FKBP5: variants seen among roughly 807,000 people sequenced by gnomAD.
The protein encoded by FKBP5 is peptidyl-prolyl cis-trans isomerase FKBP5.
Under a neutral mutation model 50.5 loss-of-function variants are expected in FKBP5, and 23 were observed. The observed-to-expected ratio is 0.46, with a 90% CI of 0.33 to 0.65. The LOEUF (loss-of-function observed/expected upper bound fraction) is 0.65, where lower values mean the gene tolerates loss of function less well. FKBP5 is among the 30% of genes least tolerant of loss of function. The pLI, the probability that FKBP5 is intolerant of heterozygous loss-of-function variation, is 0.02. For synonymous variants in FKBP5, 176 were observed against 190.6 expected (o/e 0.92, Z 0.63); for missense variants, 411 against 553.1 (o/e 0.74, Z 2.58).
Position 35,575,765 on chromosome 6 carries a change from T to A in FKBP5, c.*70A>T. On this transcript the variant is annotated 3_prime_UTR_variant, in exon 11 of 11. Coordinates refer to ENST00000357266, the MANE Select transcript of FKBP5 (RefSeq NM_004117.4). ...AAACTTTACATTAAACACTGTTCTGTCCTGAGTTGGGGGAAAGCCCATTGA... is the reference window on the plus strand; with the variant it reads ...AAACTTTACATTAAACACTGTTCTGACCTGAGTTGGGGGAAAGCCCATTGA... The A allele has an allele frequency of 4.0e-6, 4 of 1,008,040 alleles. No homozygotes were observed. The Admixed American group carries it at 5.1e-5, about 13-fold the overall frequency. The allele number at this position is 1,008,040 out of a possible 1,614,324, so 62.4% of individuals were successfully genotyped here.
chr6:35,683,632 A>ATTTTTT (rs777451189), intron 1 of FKBP5, among the ~76,000 whole-genome samples: 1 of 109,362 alleles, frequency 9.1e-6, no homozygotes, highest in Non-Finnish European at 1.9e-5. Flanking sequence ...TGACTGGCTA[A>ATTTTTT]TTTTTTTTTT....
At chr6:35,696,416 G>A (rs1333080303) in intron 2 of FKBP5, among the ~76,000 whole-genome samples, 1 of 151,716 alleles carries the variant, frequency 6.6e-6, no homozygotes, top group East Asian at 1.9e-4. Context: ...GGAGGCTGAG[G>A]TGGGAGGATT....
chr6:35,583,019 C>T (rs765184115), intron 8 of FKBP5: 12 of 926,970 alleles, frequency 1.3e-5, no homozygotes, highest in Non-Finnish European at 1.4e-5. Context: ...TCCAGGAGTT[C>T]GAAGCTGCAG....
At chr6:35,586,145 T>A (rs1762590511) in intron 8 of FKBP5, 1 of 984,932 alleles carries the variant, frequency 1.0e-6, no homozygotes, top group South Asian at 4.7e-5. Flanking sequence ...CTGCTTGACA[T>A]GGAGAAGGCA....
chr6:35,576,947 A>G, intron 10 of FKBP5, 47 bp downstream of exon 10: 1 of 1,599,946 alleles, frequency 6.3e-7, no homozygotes, highest in East Asian at 2.2e-5. Context: ...TCAAAGGGGC[A>G]TGGTCAGGCT....
intron 3 of FKBP5, among the ~76,000 whole-genome samples, chr6:35,628,635 T>C (rs994284331): frequency 6.6e-6 from 1 of 152,238 alleles, no homozygotes; most frequent in African/African-American, 2.4e-5. Flanking sequence ...ATATAACAGA[T>C]AATACAGAAA....
At chr6:35,625,328 G>C (rs771355243) in intron 3 of FKBP5, among the ~76,000 whole-genome samples, 1 of 152,016 alleles carries the variant, frequency 6.6e-6, no homozygotes, top group Non-Finnish European at 1.5e-5. Flanking sequence ...CAAGTGGTCT[G>C]CCCACCTCGG....
chr6:35,594,921 T>C (rs976575312), intron 6 of FKBP5, among the ~76,000 whole-genome samples: 1 of 152,264 alleles, frequency 6.6e-6, no homozygotes, highest in African/African-American at 2.4e-5. Context: ...TCTGAAAGAT[T>C]GATCTCATGT....
At chr6:35,586,199 C>A in intron 8 of FKBP5, 1 of 984,964 alleles carries the variant, frequency 1.0e-6, no homozygotes, top group Non-Finnish European at 1.2e-6. Flanking sequence ...CTGATTAAAA[C>A]AGAATGAAGG....
At chr6:35,596,532 G>A (rs1762987314) in intron 6 of FKBP5, among the ~76,000 whole-genome samples, 1 of 152,068 alleles carries the variant, frequency 6.6e-6, no homozygotes, top group Non-Finnish European at 1.5e-5. Context: ...TGGAGCCGGA[G>A]GGAGGATACA....
intron 2 of FKBP5, among the ~76,000 whole-genome samples, chr6:35,704,997 C>T (rs1047579082): frequency 1.3e-5 from 2 of 150,580 alleles, no homozygotes; most frequent in Non-Finnish European, 3.0e-5. Context: ...AAAAATTAGC[C>T]GGGCGTGGTG....
At chr6:35,691,464 T>A (rs1765985330), upstream of FKBP5, among the ~76,000 whole-genome samples, 1 of 152,170 alleles carries the variant, frequency 6.6e-6, no homozygotes, top group Non-Finnish European at 1.5e-5. Context: ...ACGTGTCACA[T>A]GTCTGGGACC....
At chr6:35,625,866 G>A (rs1763981712) in intron 3 of FKBP5, among the ~76,000 whole-genome samples, 2 of 150,286 alleles carry the variant, frequency 1.3e-5, no homozygotes, top group South Asian at 2.1e-4. Flanking sequence ...CGCAAGCTCC[G>A]CCTCCCGGGT....
At chr6:35,677,272 A>C (rs1388364334) in intron 1 of FKBP5, among the ~76,000 whole-genome samples, 1 of 152,050 alleles carries the variant, frequency 6.6e-6, no homozygotes, top group African/African-American at 2.4e-5. Flanking sequence ...ACGGGGTTTC[A>C]CTGTGTTAGC....
chr6:35,685,096 G>C (rs1489359493), intron 1 of FKBP5, among the ~76,000 whole-genome samples: 1 of 151,764 alleles, frequency 6.6e-6, no homozygotes, highest in Non-Finnish European at 1.5e-5. Context: ...ACTAAATTAA[G>C]CATAAAATGT....
intron 1 of FKBP5, among the ~76,000 whole-genome samples, chr6:35,653,002 C>T (rs940773541): frequency 6.6e-6 from 1 of 152,028 alleles, no homozygotes; most frequent in Non-Finnish European, 1.5e-5. Context: ...GGGGCAGGTC[C>T]CCCGATAAGA....
At chr6:35,582,851 A>AG in intron 8 of FKBP5, 1 of 981,840 alleles carries the variant, frequency 1.0e-6, no homozygotes, top group Non-Finnish European at 1.2e-6. Context: ...TGGAATATTC[A>AG]GGGTTTAGCA....
chr6:35,605,609 G>T (rs1300383397), intron 5 of FKBP5, among the ~76,000 whole-genome samples: 4 of 151,802 alleles, frequency 2.6e-5, no homozygotes, highest in Non-Finnish European at 5.9e-5. Context: ...TGCTGCCCAG[G>T]CTGGTCTTGA....
At chr6:35,630,353 C>T (rs966883205) in intron 3 of FKBP5, among the ~76,000 whole-genome samples, 3 of 152,056 alleles carry the variant, frequency 2.0e-5, no homozygotes, top group Admixed American at 6.6e-5. Flanking sequence ...TTGAGACCAT[C>T]CTCGCCAACA....
Sources: allele counts gnomAD v4.1 joint callset (sites outside exome capture counted in the v4.1 genomes callset), GRCh38; gene constraint gnomAD v4.1.1; transcripts MANE v1.5; gene names NCBI Gene and HGNC (gene_info 2026-07-23, HGNC 2026-07-21).